The following DCAF5 variants were observed in gnomAD, a reference collection of about 807,000 sequenced individuals.
DCAF5 encodes DDB1 and CUL4 associated factor 5, also known as DDB1- and CUL4-associated factor 5.
A neutral mutation model predicts 80.7 loss-of-function variants in DCAF5; 9 were observed. The ratio of observed to expected loss-of-function variants is 0.11; its 90% CI spans 0.07 to 0.19. DCAF5 has a LOEUF of 0.19. Among genes scored for constraint, DCAF5 ranks in the 10% least tolerant of loss-of-function variants. The pLI, the probability that DCAF5 is intolerant of heterozygous loss-of-function variation, is 1.00. For missense variants in DCAF5, 842 were observed against 1,205.7 expected (o/e 0.70, Z 4.47); for synonymous variants, 433 against 461.9 (o/e 0.94, Z 0.80).
chr14:69,151,897 G>A (rs1018405957), intron 1 of DCAF5, among the ~76,000 whole-genome samples: 4 of 152,228 alleles, frequency 2.6e-5, no homozygotes, highest in African/African-American at 9.6e-5. Flanking sequence ...CCCCAAACCA[G>A]AGGGAGAGCC....
intron 6 of DCAF5, among the ~76,000 whole-genome samples, chr14:69,088,989 C>CA (rs34278781): frequency 0.91 from 138,337 of 152,168 alleles, 63,165 homozygotes; most frequent in East Asian, 0.98. Context: ...ACTTCTTGTG[C>CA]ACACTTAAAA....
At chr14:69,133,530 C>A (rs56286977) in intron 1 of DCAF5, among the ~76,000 whole-genome samples, 1 of 152,036 alleles carries the variant, frequency 6.6e-6, no homozygotes, top group East Asian at 1.9e-4. Context: ...CTTCCCAAAT[C>A]GAAACCAGTA....
At chr14:69,067,526 G>A (rs750047106) in intron 7 of DCAF5, among the ~76,000 whole-genome samples, 9 of 151,668 alleles carry the variant, frequency 5.9e-5, no homozygotes, top group Non-Finnish European at 1.3e-4. Context: ...TGTACTTTTT[G>A]TAGAGATGGG....
rs1462387436 is a variant in DCAF5, at chr14:69,054,817, A to G, written c.1869T>C (p.Asp623=). 6.2e-7 allele frequency: 1 copy of G among 1,614,236 alleles called. No homozygotes were observed. The highest frequency in any genetic ancestry group is 1.1e-5 in the South Asian group (1 of 91,088). The change falls in exon 9 of 9, where the codon GAT becomes GAC. Residue 623 remains aspartate (D), a synonymous_variant. Coordinates refer to ENST00000341516, the MANE Select transcript of DCAF5 (RefSeq NM_003861.3). ...DNYDYPQIKV[D]DLSSSPTSSP... is the part of the protein sequence containing the mutation. ...ACGAGGTTGGGGAGGAGGAGAGGTC[A>G]TCCACTTTGATCTGGGGGTAATCAT...
intron 1 of DCAF5, among the ~76,000 whole-genome samples, chr14:69,126,184 CTT>C (rs1285451121): frequency 2.9e-5 from 4 of 137,178 alleles, no homozygotes; most frequent in Admixed American, 1.5e-4. Flanking sequence ...CGGAGTTTCA[CTT>C]TTTTTTTTTT....
intron 5 of DCAF5, among the ~76,000 whole-genome samples, chr14:69,109,300 C>T (rs987710016): frequency 2.7e-5 from 4 of 150,184 alleles, no homozygotes; most frequent in East Asian, 2.0e-4. Flanking sequence ...GTTGAGATCG[C>T]GCCACTCTAG....
intron 5 of DCAF5, among the ~76,000 whole-genome samples, chr14:69,099,121 C>G (rs1396785542): frequency 6.6e-6 from 1 of 150,780 alleles, no homozygotes; most frequent in Admixed American, 6.6e-5. Context: ...GCATGGTGGT[C>G]CACACCTGTA....
chr14:69,095,285 G>A (rs2039665136), intron 5 of DCAF5, among the ~76,000 whole-genome samples: 1 of 152,110 alleles, frequency 6.6e-6, no homozygotes. Context: ...AATGAGATGA[G>A]CAATATATTG....
At chr14:69,070,597 T>G (rs2038647802) in intron 7 of DCAF5, among the ~76,000 whole-genome samples, 1 of 152,196 alleles carries the variant, frequency 6.6e-6, no homozygotes, top group East Asian at 1.9e-4. Context: ...TTAAGTCTAA[T>G]GCTCCTTTCA....
At chr14:69,117,227 G>A (rs546479687) in intron 4 of DCAF5, among the ~76,000 whole-genome samples, 1 of 152,278 alleles carries the variant, frequency 6.6e-6, no homozygotes, top group African/African-American at 2.4e-5. Flanking sequence ...AGTCATCTCT[G>A]CCATCAGGCA....
chr14:69,088,353 T>C (rs2039417980), intron 6 of DCAF5, among the ~76,000 whole-genome samples: 3 of 152,220 alleles, frequency 2.0e-5, no homozygotes, highest in Admixed American at 1.3e-4. Flanking sequence ...AAGGTTTGTA[T>C]AAAATGATCT....
At chr14:69,103,737 T>C (rs1049054404) in intron 5 of DCAF5, among the ~76,000 whole-genome samples, 12 of 152,238 alleles carry the variant, frequency 7.9e-5, no homozygotes, top group African/African-American at 2.9e-4. Flanking sequence ...TATTTATCTG[T>C]ACAATCACAA....
chr14:69,053,669 A>G lies in DCAF5; in HGVS notation c.*188T>C, dbSNP rs1449497556. On this transcript the variant is annotated 3_prime_UTR_variant, in exon 9 of 9. Coordinates refer to ENST00000341516, the MANE Select transcript of DCAF5 (RefSeq NM_003861.3). ...CCCCTTTCTTAACACAGCACAAGCC[A>G]ATGGCCAGCTAGACATTCAGACCCG... 1.7e-6 allele frequency: 1 copy of G among 595,258 alleles called. No homozygotes were observed. The highest frequency in any genetic ancestry group is 2.9e-6 in the Non-Finnish European group (1 of 349,864). 36.9% of individuals were successfully genotyped at this position (595,258 alleles called of 1,614,324 possible). A position where few individuals can be genotyped will look rare whatever the true frequency, so the allele number is the denominator to read the frequency against.
Position 69,055,518 on chromosome 14 carries a change from T to G in DCAF5, c.1168A>C (p.Ile390Leu). The stretch of plus-strand genomic sequence containing the variant: ...CTCCCACTGTTCAGCACAAGGCTGA[T>G]GTACTCTTCATGGGTATAGAGGCAG... ...SRCLYTHEEY[I>L]SLVLNSGSGL... The change falls in exon 9 of 9, where the codon ATC becomes CTC. Residue 390 changes from isoleucine (I) to leucine (L), a missense_variant. This residue lies in a region of DCAF5 where 65 missense variants were observed against 191.3 expected (regional missense o/e 0.34). Coordinates refer to ENST00000341516, the MANE Select transcript of DCAF5 (RefSeq NM_003861.3). This position sits in a 1 kb window ranked among gnomAD's most constrained non-coding sequence, Gnocchi z 5.6. 1 of 1,614,174 alleles carries G rather than the reference T, an allele frequency of 6.2e-7. No homozygotes were observed.
At chr14:69,084,805 A>G in intron 6 of DCAF5, 2 of 1,094,692 alleles carry the variant, frequency 1.8e-6, no homozygotes, top group Non-Finnish European at 2.8e-6. Context: ...ATGCAGATTC[A>G]GGAACACTAT....
At chr14:69,131,808 G>A (rs1054277202) in intron 1 of DCAF5, among the ~76,000 whole-genome samples, 6 of 124,014 alleles carry the variant, frequency 4.8e-5, no homozygotes, top group African/African-American at 1.8e-4. Flanking sequence ...ATAGAGTTTT[G>A]TGGCATTAAC....
At chr14:69,073,739 G>A (rs139127121) in intron 7 of DCAF5, among the ~76,000 whole-genome samples, 1 of 152,136 alleles carries the variant, frequency 6.6e-6, no homozygotes, top group South Asian at 2.1e-4. Flanking sequence ...CTATTCAAAC[G>A]TGAAAAACAT....
At chr14:69,129,618 C>T (rs1173107811) in intron 1 of DCAF5, among the ~76,000 whole-genome samples, 1 of 152,184 alleles carries the variant, frequency 6.6e-6, no homozygotes, top group Non-Finnish European at 1.5e-5. Flanking sequence ...CAGAGAGAGA[C>T]TGACCTGCAA....
Position 69,118,294 on chromosome 14 carries a change from G to T in DCAF5, c.396-16C>A. ...TGTCTCACTGCTGGGAGATAAGAGA[G>T]CAAGACAGAGGCACACACATACACA... On this transcript the variant is annotated splice_polypyrimidine_tract_variant and intron_variant, in intron 3 of 8. Transcript: ENST00000341516. The surrounding 1 kb of genome is among the most constrained non-coding windows in gnomAD (Gnocchi z 4.0). 2 of 1,613,220 alleles carry T rather than the reference G, an allele frequency of 1.2e-6. No homozygotes were observed. Among genetic ancestry groups the T allele is most frequent in the Non-Finnish European group, 1.7e-6 (2 of 1,179,486 alleles).
Sources: allele counts gnomAD v4.1 joint callset (sites outside exome capture counted in the v4.1 genomes callset), GRCh38; gene constraint gnomAD v4.1.1; regional missense constraint gnomAD v4.1.1; non-coding constraint Gnocchi (gnomAD v3.1); transcripts MANE v1.5; gene names NCBI Gene and HGNC (gene_info 2026-07-23, HGNC 2026-07-21).